PIEZO1: variants seen among roughly 807,000 people sequenced by gnomAD.
PIEZO1 encodes piezo type mechanosensitive ion channel component 1 (Er blood group), also known as piezo-type mechanosensitive ion channel component 1.
A neutral mutation model predicts 297.2 loss-of-function variants in PIEZO1; 296 were observed. That is an observed-to-expected ratio of 1.00 (90% CI 0.91 to 1.10). The LOEUF is 1.10. PIEZO1 is among the 50% of genes least tolerant of loss of function. The probability of loss-of-function intolerance (pLI) is 0.00; values close to 1 mark genes in which losing one functional copy is unlikely to be tolerated. For missense variants in PIEZO1, 5,018 were observed against 3,455.5 expected (o/e 1.45, Z -11.34); for synonymous variants, 2,427 against 1,507.5 (o/e 1.61, Z -14.13).
rs567566523 is a variant in PIEZO1, at chr16:88,766,856, C to A, written c.65-17377G>T. Reference sequence around the variant, plus strand: ...TCACCTCAGGCCACGAGGGCCGGGGCCACCCCAGGTTGGAACCCTGGGCCC... The same window carrying A: ...TCACCTCAGGCCACGAGGGCCGGGGACACCCCAGGTTGGAACCCTGGGCCC... On this transcript the variant is annotated intron_variant, in intron 1 of 50. Transcript: ENST00000301015. 5.3e-5 allele frequency among the ~76,000 whole-genome samples: 8 copies of A among 152,364 alleles called. No homozygotes were observed. In the South Asian group the frequency reaches 1.4e-3, roughly 28 times the overall value.
chr16:88,720,927 A>G (rs982152922), intron 39 of PIEZO1, among the ~76,000 whole-genome samples, 179 bp from the exon 40 acceptor site: 11 of 152,198 alleles, frequency 7.2e-5, no homozygotes, highest in African/African-American at 2.7e-4. Context: ...GTCTGGGGCA[A>G]CTGTGAGGGG....
intron 1 of PIEZO1, among the ~76,000 whole-genome samples, chr16:88,762,942 G>A (rs138975780): frequency 7.9e-5 from 12 of 152,208 alleles, no homozygotes; most frequent in African/African-American, 2.9e-4. Context: ...CTTATACCCA[G>A]GAGCTCCAGG....
intron 1 of PIEZO1, among the ~76,000 whole-genome samples, chr16:88,752,306 C>T (rs1906429927): frequency 6.6e-6 from 1 of 152,108 alleles, no homozygotes. Context: ...AACACAGAGA[C>T]CCCATCTCTA....
In PIEZO1 at chr16:88,736,206, C is replaced by T. The variant is rs756168052; in HGVS notation, c.1499G>A (p.Ser500Asn). 9 of 1,549,642 alleles carry T rather than the reference C, an allele frequency of 5.8e-6. No homozygotes were observed. The Admixed American group carries it at 1.8e-4, about 30-fold the overall frequency. Residue 500 changes from serine to asparagine, a missense_variant, in exon 12 of 51, where the codon AGC (serine) becomes AAC (asparagine). By Grantham distance (46) the Ser-to-Asn change is conservative. Transcript: ENST00000301015. ...PELPTTLGPV[S>N]LRQLGLEHTR... ...GTGCTCCAGCCCCAGCTGGCGCAGG[C>T]TGACGGGGCCCAGGGTGGTGGGCAG... is the stretch of plus-strand genomic sequence containing the variant.
intron 4 of PIEZO1, 83 bp downstream of exon 4, chr16:88,741,970 G>T (rs922669198): frequency 3.5e-6 from 5 of 1,436,190 alleles, no homozygotes; most frequent in African/African-American, 2.8e-5. Flanking sequence ...GTCCCCCTCT[G>T]TCCCTCCTGG....
Position 88,722,272 on chromosome 16 carries a change from C to T in PIEZO1, c.4901G>A (p.Gly1634Asp). 6.5e-7 allele frequency: 1 copy of T among 1,548,508 alleles called. No homozygotes were observed. Among genetic ancestry groups the T allele is most frequent in the Non-Finnish European group, 8.7e-7 (1 of 1,146,810 alleles). Residue 1634 changes from glycine to aspartate, a missense_variant, in exon 36 of 51, where the codon GGT becomes GAT. Gly to Asp is a moderately conservative substitution (Grantham distance 94, BLOSUM62 -1). Coordinates refer to ENST00000301015, the MANE Select transcript of PIEZO1 (RefSeq NM_001142864.4). ...AVTDPGEREA[G>D]ASLYQGLMRT... ...CATCAGTCCCTGGTACAGAGAGGCA[C>T]CAGCCTCACGCTCCCCGGGGTCGGT...
In PIEZO1 at chr16:88,758,780, A is replaced by G. The variant is rs150895360; in HGVS notation, c.65-9301T>C. 7.1e-4 allele frequency among the ~76,000 whole-genome samples: 108 copies of G among 152,326 alleles called. No homozygotes were observed. The East Asian group carries it at 0.014, about 19-fold the overall frequency. On this transcript the variant is annotated intron_variant, in intron 1 of 50. Coordinates refer to ENST00000301015, the MANE Select transcript of PIEZO1 (RefSeq NM_001142864.4). ...TCTGTCTTAGTTTGTTCGTCTATAA[A>G]TCAAGAACCATAACTCCCTCCTCAC... is the stretch of plus-strand genomic sequence containing the variant.
chr16:88,736,351 G>A lies in PIEZO1; in HGVS notation c.1354C>T (p.Leu452Phe). Reference sequence around the variant, plus strand: ...TGGCGGCTGCGCACCGTCCAGATGAGGCAGGCCCAGAGCAGCAGTACGAAG... The same window carrying A: ...TGGCGGCTGCGCACCGTCCAGATGAAGCAGGCCCAGAGCAGCAGTACGAAG... ...LTFVLLLWAC[L>F]IWTVRSRHQL... Residue 452 changes from leucine to phenylalanine, a missense_variant, in exon 12 of 51, where the codon CTC becomes TTC. Transcript: ENST00000301015. 6.5e-7 allele frequency: 1 copy of A among 1,550,078 alleles called. No homozygotes were observed. The highest frequency in any genetic ancestry group is 8.7e-7 in the Non-Finnish European group (1 of 1,146,812).
intron 5 of PIEZO1, 198 bp from the exon 6 acceptor site, chr16:88,738,934 G>T: frequency 1.7e-6 from 1 of 597,154 alleles, no homozygotes; most frequent in East Asian, 2.8e-5. Flanking sequence ...CCTCACTCAA[G>T]CTCACAGTTC....
chr16:88,746,587 C>G (rs1906070074), intron 2 of PIEZO1, among the ~76,000 whole-genome samples: 1 of 152,206 alleles, frequency 6.6e-6, no homozygotes, highest in African/African-American at 2.4e-5. Context: ...AGGGCCACGC[C>G]AAGCCCAGCA....
chr16:88,746,591 C>G (rs1383009472), intron 2 of PIEZO1, among the ~76,000 whole-genome samples: 1 of 152,196 alleles, frequency 6.6e-6, no homozygotes, highest in Non-Finnish European at 1.5e-5. Flanking sequence ...CCACGCCAAG[C>G]CCAGCAGCTG....
intron 1 of PIEZO1, among the ~76,000 whole-genome samples, chr16:88,752,340 G>C (rs1024997923): frequency 8.5e-5 from 13 of 152,062 alleles, no homozygotes; most frequent in African/African-American, 3.1e-4. Context: ...AAATTAGCCG[G>C]GGATGATGGT....
At chr16:88,774,063 G>T (rs913279216) in intron 1 of PIEZO1, among the ~76,000 whole-genome samples, 15 of 152,198 alleles carry the variant, frequency 9.9e-5, no homozygotes, top group Admixed American at 6.5e-5. Context: ...CGGCGATAAG[G>T]TCTGGGATGC....
chr16:88,738,581 C>T lies in PIEZO1; in HGVS notation c.621G>A (p.Leu207=). 1 of 1,535,302 alleles carries T rather than the reference C, an allele frequency of 6.5e-7. No homozygotes were observed. The highest frequency in any genetic ancestry group is 8.7e-7 in the Non-Finnish European group (1 of 1,146,510). The change falls in exon 6 of 51, where the codon CTG becomes CTA. Residue 207 remains leucine (L), a synonymous_variant. Coordinates refer to ENST00000301015, the MANE Select transcript of PIEZO1 (RefSeq NM_001142864.4). ...VAAGRVLAVT[L]LALAGIAHPS... ...CTCGGTGCGTACCTGCCAGTGCAAG[C>T]AGTGTTACGGCCAGGACCCGCCCAG...
Position 88,726,831 on chromosome 16 carries a change from A to C in PIEZO1, c.3583T>G (p.Tyr1195Asp). 2 of 1,550,376 alleles carry C rather than the reference A, an allele frequency of 1.3e-6. No individual in the cohort carries two copies. The highest frequency in any genetic ancestry group is 1.7e-6 in the Non-Finnish European group (2 of 1,146,940). ...AGGGCCGTGCCGAAGAGCAGCAGGT[A>C]GAAGCAGGCCAGCAGGTAGCCCAGC... ...FGLGYLLACF[Y>D]LLLFGTALLQ... Residue 1195 changes from tyrosine (Y) to aspartate (D), a missense_variant, in exon 25 of 51, where the codon TAC (tyrosine) becomes GAC (aspartate). Tyr to Asp is a radical substitution (Grantham distance 160). Coordinates refer to ENST00000301015, the MANE Select transcript of PIEZO1 (RefSeq NM_001142864.4).
chr16:88,743,140 G>A (rs968489575), intron 2 of PIEZO1: 1 of 456,258 alleles, frequency 2.2e-6, no homozygotes, highest in East Asian at 6.9e-5. Context: ...GCTGCCTGTG[G>A]CCCCACTGGA....
In PIEZO1 at chr16:88,734,898, G is replaced by A. The variant is rs1905101160; in HGVS notation, c.1825C>T (p.Leu609=). The A allele has an allele frequency of 6.4e-7, 1 of 1,550,392 alleles. No individual in the cohort carries two copies. Among genetic ancestry groups the A allele is most frequent in the South Asian group, 1.2e-5 (1 of 84,070 alleles). Residue 609 remains leucine, a synonymous_variant, in exon 14 of 51, where the codon CTG becomes TTG. Transcript: ENST00000301015. ...VYKIVYMFLF[L]LCLTLFQVYY... is the part of the protein sequence containing the mutation. ...ACCTGGAAGAGGGTGAGGCAGAGCAGGAAGAGGAACATGTAGACAATCTTG... is the reference window on the plus strand; with the variant it reads ...ACCTGGAAGAGGGTGAGGCAGAGCAAGAAGAGGAACATGTAGACAATCTTG...
At chr16:88,731,353 C>T in intron 22 of PIEZO1, 1 of 258,004 alleles carries the variant, frequency 3.9e-6, no homozygotes, top group Non-Finnish European at 7.5e-6. Context: ...GAGACGCATG[C>T]TCGAGGCAGC....
chr16:88,721,361 GCTC>G lies in PIEZO1; in HGVS notation c.5470_5472del (p.Glu1824del), dbSNP rs754511445. The G allele has an allele frequency of 9.0e-6, 14 of 1,549,196 alleles. No homozygotes were observed. In the South Asian group the frequency reaches 1.2e-4, roughly 13 times the overall value. ...ACCCCTGGCCCCTCCTCGGCTCCCTGCTCCTCCTCGCCGCTCTTGTCATGCTCC... is the reference window on the plus strand; with the variant it reads ...ACCCCTGGCCCCTCCTCGGCTCCCTGCTCCTCGCCGCTCTTGTCATGCTCC... On this transcript the variant is annotated inframe_deletion, in exon 39 of 51. Transcript: ENST00000301015.
Sources: allele counts gnomAD v4.1 joint callset (sites outside exome capture counted in the v4.1 genomes callset), GRCh38; gene constraint gnomAD v4.1.1; transcripts MANE v1.5; gene names NCBI Gene and HGNC (gene_info 2026-07-23, HGNC 2026-07-21).